LHFPL2: variants seen among roughly 807,000 people sequenced by gnomAD.
LHFPL2 encodes the protein LHFPL tetraspan subfamily member 2 protein.
In LHFPL2, 7 loss-of-function variants were observed where a neutral mutation model predicts 17.5. The observed-to-expected ratio is 0.40, with a 90% CI of 0.23 to 0.75. The LOEUF is 0.75. Ranked by LOEUF, LHFPL2 falls within the 30% of genes least tolerant of loss-of-function variation. The pLI is 0.37. For missense variants in LHFPL2, 241 were observed against 294.8 expected, an observed-to-expected ratio of 0.82 and a Z score of 1.34; for synonymous variants, 134 against 116.2, an observed-to-expected ratio of 1.15 and a Z score of -0.99.
intron 4 of LHFPL2, among the ~76,000 whole-genome samples, chr5:78,502,120 G>T (rs1754794131): frequency 6.6e-6 from 1 of 152,144 alleles, no homozygotes; most frequent in South Asian, 2.1e-4. Context: ...ACACTCTCCA[G>T]GGTGGAGACA....
At chr5:78,565,278 C>A (rs558590034) in intron 2 of LHFPL2, among the ~76,000 whole-genome samples, 24 of 152,288 alleles carry the variant, frequency 1.6e-4, no homozygotes, top group African/African-American at 3.1e-4. Flanking sequence ...AAAAAACTAT[C>A]CTAGCAGCAC....
chr5:78,508,295 G>T (rs1173228051), intron 4 of LHFPL2, among the ~76,000 whole-genome samples: 1 of 152,134 alleles, frequency 6.6e-6, no homozygotes, highest in Non-Finnish European at 1.5e-5. Flanking sequence ...ACAGAATCCT[G>T]GTCTCCCAAA....
chr5:78,504,344 G>A (rs1390292075), intron 4 of LHFPL2, among the ~76,000 whole-genome samples: 3 of 152,102 alleles, frequency 2.0e-5, no homozygotes, highest in East Asian at 1.9e-4. Context: ...CTGAGGCAGG[G>A]CTCCATGTGT....
chr5:78,644,530 G>C, intron 1 of LHFPL2: 1 of 573,848 alleles, frequency 1.7e-6, no homozygotes, highest in Non-Finnish European at 3.2e-6. Context: ...GCGACACTCA[G>C]AATAGAACAA....
At chr5:78,560,883 A>G (rs1756707763) in intron 3 of LHFPL2, among the ~76,000 whole-genome samples, 1 of 152,180 alleles carries the variant, frequency 6.6e-6, no homozygotes, top group South Asian at 2.1e-4. Context: ...ATTTTATGGT[A>G]CTCTAGAACA....
At chr5:78,557,533 C>G (rs919848842) in intron 3 of LHFPL2, among the ~76,000 whole-genome samples, 10 of 152,168 alleles carry the variant, frequency 6.6e-5, no homozygotes, top group African/African-American at 2.4e-4. Context: ...GGCAAGGCAG[C>G]CAGAGGAGAC....
At chr5:78,548,561 T>A (rs890651374) in intron 3 of LHFPL2, among the ~76,000 whole-genome samples, 1 of 152,244 alleles carries the variant, frequency 6.6e-6, no homozygotes, top group South Asian at 2.1e-4. Context: ...AAGGGCCGTA[T>A]CTACAGCCAT....
chr5:78,517,807 C>T (rs1755335510), intron 3 of LHFPL2, among the ~76,000 whole-genome samples: 1 of 152,224 alleles, frequency 6.6e-6, no homozygotes, highest in Non-Finnish European at 1.5e-5. Context: ...ATACCAGCAT[C>T]TATAGCCAGA....
In LHFPL2 at chr5:78,620,420, G is replaced by T. The variant is rs1040330367; in HGVS notation, c.-245+11844C>A. ...TTTTAAATTTATTCAATCATAGAAA[G>T]GCGACGATGATCTATGAATGATGAT... On this transcript the variant is annotated intron_variant, in intron 2 of 4. Coordinates refer to ENST00000380345, the MANE Select transcript of LHFPL2 (RefSeq NM_005779.3). Among the ~76,000 whole-genome samples the T allele has an allele frequency of 3.9e-5, 6 of 151,994 alleles. No individual in the cohort carries two copies. The East Asian group carries it at 9.6e-4, about 24-fold the overall frequency.
chr5:78,604,079 G>A (rs1048421737), intron 2 of LHFPL2, among the ~76,000 whole-genome samples: 1 of 152,180 alleles, frequency 6.6e-6, no homozygotes. Context: ...TGCAGTTAGT[G>A]CAGATACATG....
rs1278428925 is a variant in LHFPL2 at position 78,648,164 on chromosome 5, G to A, written c.-350+335C>T. ...ACCCACGCGCCGCCGTCCGAAGCCC[G>A]CCAGCGACGCCCAGAGAGCAGGGCT... On this transcript the variant is annotated intron_variant, in intron 1 of 4. Transcript: ENST00000380345. The surrounding 1 kb of genome is among the most constrained non-coding windows in gnomAD (Gnocchi z 5.4). Among the ~76,000 whole-genome samples the A allele has an allele frequency of 6.6e-6, 1 of 152,134 alleles. No individual in the cohort carries two copies. The highest frequency in any genetic ancestry group is 1.9e-4 in the East Asian group (1 of 5,182).
chr5:78,628,718 A>C (rs140429597), intron 2 of LHFPL2, among the ~76,000 whole-genome samples: 21 of 152,310 alleles, frequency 1.4e-4, no homozygotes, highest in Middle Eastern at 6.8e-3. Flanking sequence ...GAACAAGGAG[A>C]ATGAGAACTA....
chr5:78,635,585 G>A (rs1262991018), intron 1 of LHFPL2, among the ~76,000 whole-genome samples: 4 of 152,222 alleles, frequency 2.6e-5, no homozygotes, highest in Non-Finnish European at 5.9e-5. Flanking sequence ...GGCGGACCAC[G>A]AGGTCAGGAG....
chr5:78,495,110 G>C (rs545449040), intron 4 of LHFPL2, among the ~76,000 whole-genome samples: 1 of 152,326 alleles, frequency 6.6e-6, no homozygotes, highest in East Asian at 1.9e-4. Context: ...CCCCAGTTTG[G>C]GGAAGGCTAG....
chr5:78,493,872 C>T lies in LHFPL2; in HGVS notation c.431-4719G>A, dbSNP rs376220186. On this transcript the variant is annotated intron_variant, in intron 4 of 4. Coordinates refer to ENST00000380345, the MANE Select transcript of LHFPL2 (RefSeq NM_005779.3). ...AGGCAAGAGAATACAGTAACAGATA[C>T]GAAGTTTGCTGGAGACTTGGAATGG... Among the ~76,000 whole-genome samples the T allele has an allele frequency of 2.6e-5, 4 of 152,210 alleles. No individual in the cohort carries two copies. The South Asian group carries it at 6.2e-4, about 24-fold the overall frequency.
At chr5:78,586,988 C>T (rs1309701968) in intron 2 of LHFPL2, among the ~76,000 whole-genome samples, 3 of 152,180 alleles carry the variant, frequency 2.0e-5, no homozygotes, top group East Asian at 3.9e-4. Context: ...TGTGGAGAAA[C>T]TCAGCAGCTG....
At chr5:78,515,962 T>G (rs1755279107) in intron 3 of LHFPL2, among the ~76,000 whole-genome samples, 2 of 152,206 alleles carry the variant, frequency 1.3e-5, no homozygotes, top group African/African-American at 4.8e-5. Flanking sequence ...GGAAACCAGC[T>G]GTTCTCCCAG....
At chr5:78,602,911 A>AAACG (rs1317185974) in intron 2 of LHFPL2, among the ~76,000 whole-genome samples, 1 of 97,788 alleles carries the variant, frequency 1.0e-5, no homozygotes, top group African/African-American at 3.5e-5. Context: ...GTTTTGTTTG[A>AAACG]GACGGAGTCT....
At chr5:78,530,916 T>C (rs1755764273) in intron 3 of LHFPL2, among the ~76,000 whole-genome samples, 1 of 152,200 alleles carries the variant, frequency 6.6e-6, no homozygotes, top group Non-Finnish European at 1.5e-5. Context: ...TGCAAGGATT[T>C]GAGTAAGCAG....
Sources: gnomAD v4.1 joint callset for allele counts (sites outside exome capture counted in the v4.1 genomes callset) on GRCh38, gnomAD v4.1.1 for gene constraint, Gnocchi (gnomAD v3.1) non-coding constraint, MANE v1.5 for transcripts, NCBI Gene and HGNC (gene_info 2026-07-23, HGNC 2026-07-21) for gene names.